The following DDR1 variants were observed in gnomAD, a reference collection of about 807,000 sequenced individuals.
The protein encoded by DDR1 is discoidin domain receptor tyrosine kinase 1.
In DDR1, 64 loss-of-function variants were observed where a neutral mutation model predicts 97.4. The ratio of observed to expected loss-of-function variants is 0.66; its 90% CI spans 0.54 to 0.81. The LOEUF (loss-of-function observed/expected upper bound fraction) is 0.81, where lower values mean the gene tolerates loss of function less well. Among genes scored for constraint, DDR1 ranks in the 30% least tolerant of loss-of-function variants. DDR1 has a pLI of 0.00. For synonymous variants in DDR1, 458 were observed against 503.7 expected (o/e 0.91, Z 1.21); for missense variants, 990 against 1,259.6 (o/e 0.79, Z 3.24).
In DDR1 at chr6:30,891,339, G is replaced by A. The variant is rs1281611150; in HGVS notation, c.566-41G>A. 1 of 1,543,276 alleles carries A rather than the reference G, an allele frequency of 6.5e-7. No individual in the cohort carries two copies. The highest frequency in any genetic ancestry group is 8.9e-7 in the Non-Finnish European group (1 of 1,120,068). On this transcript the variant is annotated intron_variant, in intron 5 of 17. Transcript: ENST00000376568. This position sits in a 1 kb window ranked among gnomAD's most constrained non-coding sequence, Gnocchi z 5.3. ...GCCTGATGCAGGGATGGGGGATGGA[G>A]CCTTAGTGCCTCTGACCCCCATCCT... is the stretch of plus-strand genomic sequence containing the variant.
rs1788097446 is a variant in DDR1 at position 30,891,313 on chromosome 6, G to C, written c.566-67G>C. 1 of 1,458,524 alleles carries C rather than the reference G, an allele frequency of 6.9e-7. No individual in the cohort carries two copies. Among genetic ancestry groups the C allele is most frequent in the Non-Finnish European group, 9.5e-7 (1 of 1,049,332 alleles). The allele number at this position is 1,458,524 out of a possible 1,614,324, so 90.3% of individuals were successfully genotyped here. A position where few individuals can be genotyped will look rare whatever the true frequency, so the allele number is the denominator to read the frequency against. On this transcript the variant is annotated intron_variant, in intron 5 of 17. Transcript: ENST00000376568. The surrounding 1 kb of genome is among the most constrained non-coding windows in gnomAD (Gnocchi z 5.3). ...CAAGAAGGGACCTGAAACCTGCCCA[G>C]GCCTGATGCAGGGATGGGGGATGGA...
intron 13 of DDR1, 27 bp from the exon 14 acceptor site, chr6:30,896,987 G>T: frequency 6.2e-7 from 1 of 1,603,288 alleles, no homozygotes; most frequent in Non-Finnish European, 8.5e-7. Context: ...CCCTGTGACC[G>T]CCTAGCAAAC....
chr6:30,884,580 G>C lies in DDR1; in HGVS notation c.-173G>C, dbSNP rs1474406671. On this transcript the variant is annotated 5_prime_UTR_variant, in exon 1 of 18. Coordinates refer to ENST00000376568, the MANE Select transcript of DDR1 (RefSeq NM_001297654.2). The surrounding 1 kb of genome is among the most constrained non-coding windows in gnomAD (Gnocchi z 6.1). ...TCGGGAGCCGCCTCCCGACACCCGA[G>C]CCCCGCCGGCGCCTCCCGCTCCCGG... 1 of 152,216 alleles carries C rather than the reference G, an allele frequency of 6.6e-6. No homozygotes were observed. The highest frequency in any genetic ancestry group is 1.5e-5 in the Non-Finnish European group (1 of 68,066). The allele number at this position is 152,216 out of a possible 1,614,324, so 9.4% of individuals were successfully genotyped here.
chr6:30,899,232 A>C lies in DDR1; in HGVS notation c.2678A>C (p.Glu893Ala). The change falls in exon 18 of 18, where the codon GAG (glutamate) becomes GCG (alanine). Residue 893 changes from glutamate (E) to alanine (A), a missense_variant. Physicochemically the swap from Glu to Ala is moderately radical, Grantham distance 107 (BLOSUM62 -1). Transcript: ENST00000376568. ...CTTCGGTGCTGGAGCCGGGAGTCTG[A>C]GCAGCGACCACCCTTTTCCCAGCTG... is the stretch of plus-strand genomic sequence containing the variant. ...LMLRCWSRES[E>A]QRPPFSQLHR... 1 of 1,614,162 alleles carries C rather than the reference A, an allele frequency of 6.2e-7. No homozygotes were observed.
upstream of DDR1, chr6:30,884,105 A>T (rs1784827079): frequency 6.6e-6 from 1 of 152,398 alleles, no homozygotes; most frequent in Non-Finnish European, 1.5e-5. The surrounding 1 kb of genome is among the most constrained non-coding windows in gnomAD (Gnocchi z 6.1). Flanking sequence ...GTGGGCCCTG[A>T]GCGGGACTGC....
chr6:30,887,792 G>A (rs1786438657), intron 1 of DDR1, among the ~76,000 whole-genome samples: 1 of 151,758 alleles, frequency 6.6e-6, no homozygotes, highest in Admixed American at 6.6e-5. Flanking sequence ...AAGAGATGGG[G>A]TCTCACTATG....
rs2150331778 is a variant in DDR1, at chr6:30,891,259, C to T, written c.566-121C>T. On this transcript the variant is annotated intron_variant, in intron 5 of 17. Coordinates refer to ENST00000376568, the MANE Select transcript of DDR1 (RefSeq NM_001297654.2). This position sits in a 1 kb window ranked among gnomAD's most constrained non-coding sequence, Gnocchi z 5.3. ...GGAGGGGGCTAGCCAGCATTGTCTCCTCCATGCCAATGAGCCAGTGGAGAG... is the reference window on the plus strand; with the variant it reads ...GGAGGGGGCTAGCCAGCATTGTCTCTTCCATGCCAATGAGCCAGTGGAGAG... 1.4e-6 allele frequency: 2 copies of T among 1,435,476 alleles called. No individual in the cohort carries two copies. The highest frequency in any genetic ancestry group is 1.4e-5 in the African/African-American group (1 of 71,412). 88.9% of individuals were successfully genotyped at this position (1,435,476 alleles called of 1,614,324 possible). A position where few individuals can be genotyped will look rare whatever the true frequency, so the allele number is the denominator to read the frequency against.
At position 30,899,249 on chromosome 6, in the gene DDR1, T is replaced by C; in HGVS notation, c.2695T>C (p.Ser899Pro). The change falls in exon 18 of 18, where the codon TCC (serine) becomes CCC (proline). Residue 899 changes from serine (S) to proline (P), a missense_variant. Physicochemically the swap from Ser to Pro is moderately conservative, Grantham distance 74. Transcript: ENST00000376568. ...SRESEQRPPF[S>P]QLHRFLAEDA... ...GGAGTCTGAGCAGCGACCACCCTTT[T>C]CCCAGCTGCATCGGTTCCTGGCAGA... 1 of 1,614,032 alleles carries C rather than the reference T, an allele frequency of 6.2e-7. No homozygotes were observed.
At position 30,892,156 on chromosome 6, in the gene DDR1, T is replaced by A; in HGVS notation, c.820T>A (p.Phe274Ile). 4 of 1,614,130 alleles carry A rather than the reference T, an allele frequency of 2.5e-6. No homozygotes were observed. The highest frequency in any genetic ancestry group is 2.5e-6 in the Non-Finnish European group (3 of 1,179,988). Residue 274 changes from phenylalanine to isoleucine, a missense_variant, in exon 7 of 18, where the codon TTT (phenylalanine) becomes ATT (isoleucine). Transcript: ENST00000376568. Reference sequence around the variant, plus strand: ...TGGCTATGTGGAGATGGAGTTTGAGTTTGACCGGCTGAGGGCCTTCCAGGC... The same window carrying A: ...TGGCTATGTGGAGATGGAGTTTGAGATTGACCGGCTGAGGGCCTTCCAGGC... ...SSGYVEMEFE[F>I]DRLRAFQAMQ...
At position 30,899,012 on chromosome 6, in the gene DDR1, A is replaced by T. The variant is rs1791992303; in HGVS notation, c.2576A>T (p.Glu859Val). Residue 859 changes from glutamate (E) to valine (V), a missense_variant, in exon 17 of 18, where the codon GAG becomes GTG. By Grantham distance (121) the Glu-to-Val change is moderately radical. Coordinates refer to ENST00000376568, the MANE Select transcript of DDR1 (RefSeq NM_001297654.2). ...GAGCAGGTCATCGAGAACGCGGGGG[A>T]GTTCTTCCGGGACCAGGGCCGGCAG... is the stretch of plus-strand genomic sequence containing the variant. The part of the protein sequence containing the change: ...TDEQVIENAG[E>V]FFRDQGRQVY... The T allele has an allele frequency of 1.9e-6, 3 of 1,613,100 alleles. No individual in the cohort carries two copies. Among genetic ancestry groups the T allele is most frequent in the Non-Finnish European group, 2.5e-6 (3 of 1,179,548 alleles).
rs1792238914 is a variant in DDR1 at position 30,899,626 on chromosome 6, A to G, written c.*330A>G. ...GAGAAATATAGGATAGACACTGGAC[A>G]TGGCCCATTGGAGCACCTGGGCCCC... On this transcript the variant is annotated 3_prime_UTR_variant, in exon 18 of 18. Coordinates refer to ENST00000376568, the MANE Select transcript of DDR1 (RefSeq NM_001297654.2). 9.3e-6 allele frequency: 4 copies of G among 430,580 alleles called. No individual in the cohort carries two copies. The highest frequency in any genetic ancestry group is 8.0e-5 in the Admixed American group (2 of 24,900). The allele number at this position is 430,580 out of a possible 1,614,324, so 26.7% of individuals were successfully genotyped here. A position where few individuals can be genotyped will look rare whatever the true frequency, so the allele number is the denominator to read the frequency against.
At position 30,897,636 on chromosome 6, in the gene DDR1, C is replaced by A; in HGVS notation, c.2216+39C>A. ...CAGGCTGGGCCTTGCTCAGAATTCC[C>A]CCAGGGGATCTCCTCCTCTCCCCTC... is the stretch of plus-strand genomic sequence containing the variant. On this transcript the variant is annotated intron_variant, in intron 15 of 17. Coordinates refer to ENST00000376568, the MANE Select transcript of DDR1 (RefSeq NM_001297654.2). This position sits in a 1 kb window ranked among gnomAD's most constrained non-coding sequence, Gnocchi z 5.2. 6.6e-7 allele frequency: 1 copy of A among 1,523,886 alleles called. No individual in the cohort carries two copies. The highest frequency in any genetic ancestry group is 9.0e-7 in the Non-Finnish European group (1 of 1,115,344). 94.4% of individuals were successfully genotyped at this position (1,523,886 alleles called of 1,614,324 possible). A position where few individuals can be genotyped will look rare whatever the true frequency, so the allele number is the denominator to read the frequency against.
chr6:30,885,845 C>CAGAG (rs1785600772), intron 1 of DDR1: 4 of 1,284,706 alleles, frequency 3.1e-6, no homozygotes, highest in Non-Finnish European at 2.0e-6. Context: ...TGTGTGTGTA[C>CAGAG]AGAGCTGTGT....
chr6:30,892,582 G>A (rs2150360922), intron 8 of DDR1, 40 bp downstream of exon 8: 1 of 1,524,342 alleles, frequency 6.6e-7, no homozygotes, highest in Admixed American at 2.1e-5. Flanking sequence ...CCCTGAAATT[G>A]ACAACTGATT....
At chr6:30,892,752 C>T (rs1406311752) in intron 8 of DDR1, 3 of 635,588 alleles carry the variant, frequency 4.7e-6, no homozygotes, top group East Asian at 2.9e-5. Flanking sequence ...GCCCCTTGCC[C>T]GTGACTATTA....
Position 30,892,912 on chromosome 6 carries a change from T to C in DDR1, c.1100-156T>C, listed in dbSNP as rs551910549. 1.2e-5 allele frequency: 8 copies of C among 681,996 alleles called. No individual in the cohort carries two copies. In the East Asian group the frequency reaches 2.2e-4, roughly 18 times the overall value. 42.2% of individuals were successfully genotyped at this position (681,996 alleles called of 1,614,324 possible). On this transcript the variant is annotated intron_variant, in intron 8 of 17. Coordinates refer to ENST00000376568, the MANE Select transcript of DDR1 (RefSeq NM_001297654.2). ...GGTTAACACCCACCACAGCTGGGTG[T>C]TCCAGGACCCTGCTCCCCCAGCCCC...
intron 1 of DDR1, chr6:30,885,294 A>G: frequency 6.6e-7 from 1 of 1,520,750 alleles, no homozygotes; most frequent in Non-Finnish European, 8.8e-7. Flanking sequence ...ATTTCTTCCC[A>G]GCGCTTCCAG....
Position 30,892,549 on chromosome 6 carries a change from C to T in DDR1, c.1099+7C>T, listed in dbSNP as rs1788899941. 1 of 1,570,230 alleles carries T rather than the reference C, an allele frequency of 6.4e-7. No homozygotes were observed. Among genetic ancestry groups the T allele is most frequent in the Non-Finnish European group, 8.7e-7 (1 of 1,155,150 alleles). On this transcript the variant is annotated splice_region_variant and intron_variant, in intron 8 of 17. Transcript: ENST00000376568. Reference sequence around the variant, plus strand: ...GAAATCTCCTTCATCTCTGGTAAGCCCTGGAGTAGCCCAGTCTCCAGTCCC... The same window carrying T: ...GAAATCTCCTTCATCTCTGGTAAGCTCTGGAGTAGCCCAGTCTCCAGTCCC...
rs967704669 is a variant in DDR1 at position 30,888,602 on chromosome 6, C to T, written c.-42-86C>T. ...TTGTTGTTGTTTTACTGTTATTATC[C>T]CCAAAGCGGCCCATTCTGTCTGTTG... On this transcript the variant is annotated intron_variant, in intron 1 of 17. Transcript: ENST00000376568. This position sits in a 1 kb window ranked among gnomAD's most constrained non-coding sequence, Gnocchi z 4.2. The T allele has an allele frequency of 7.0e-7, 1 of 1,428,646 alleles. No homozygotes were observed. The highest frequency in any genetic ancestry group is 1.4e-5 in the African/African-American group (1 of 69,798). 88.5% of individuals were successfully genotyped at this position (1,428,646 alleles called of 1,614,324 possible). A position where few individuals can be genotyped will look rare whatever the true frequency, so the allele number is the denominator to read the frequency against.
Sources: gnomAD v4.1 joint callset for allele counts (sites outside exome capture counted in the v4.1 genomes callset) on GRCh38, gnomAD v4.1.1 for gene constraint, Gnocchi (gnomAD v3.1) non-coding constraint, MANE v1.5 for transcripts, NCBI Gene and HGNC (gene_info 2026-07-23, HGNC 2026-07-21) for gene names.